The following DLG2 variants were observed in gnomAD, a reference collection of about 807,000 sequenced individuals.
DLG2 encodes the protein discs large MAGUK scaffold protein 2.
A neutral mutation model predicts 132.5 loss-of-function variants in DLG2; 45 were observed. The observed-to-expected ratio is 0.34, with a 90% CI of 0.27 to 0.44. DLG2 has a LOEUF of 0.44. Ranked by LOEUF, DLG2 falls within the 20% of genes least tolerant of loss-of-function variation. The probability of loss-of-function intolerance (pLI) is 1.00; values close to 1 mark genes in which losing one functional copy is unlikely to be tolerated. For synonymous variants in DLG2, 424 were observed against 419.6 expected (o/e 1.01, Z -0.13); for missense variants, 1,045 against 1,196.9 (o/e 0.87, Z 1.87).
intron 6 of DLG2, among the ~76,000 whole-genome samples, chr11:84,724,533 T>C (rs1480807609): frequency 1.3e-5 from 2 of 152,156 alleles, no homozygotes; most frequent in Non-Finnish European, 2.9e-5. Flanking sequence ...ATTTATACCA[T>C]GTAAACTAAC....
At chr11:84,095,792 T>G (rs2097157515) in intron 10 of DLG2, among the ~76,000 whole-genome samples, 1 of 152,202 alleles carries the variant, frequency 6.6e-6, no homozygotes. Context: ...GCAAAGGCTG[T>G]AATGTGGATT....
chr11:84,446,333 A>T (rs1418817390), intron 7 of DLG2, among the ~76,000 whole-genome samples: 1 of 151,948 alleles, frequency 6.6e-6, no homozygotes, highest in Non-Finnish European at 1.5e-5. Context: ...TTTATCTGAT[A>T]TTTTTATTCC....
chr11:84,049,758 C>A (rs183378422), intron 11 of DLG2, among the ~76,000 whole-genome samples: 272 of 151,708 alleles, frequency 1.8e-3, no homozygotes, highest in Admixed American at 3.2e-3. Context: ...GGTTACTTGG[C>A]CTGATAATAA....
chr11:85,013,380 G>A lies in DLG2; in HGVS notation c.357+98281C>T, dbSNP rs2059313531. Among the ~76,000 whole-genome samples the A allele has an allele frequency of 2.6e-5, 4 of 152,160 alleles. No homozygotes were observed. The South Asian group carries it at 8.3e-4, about 32-fold the overall frequency. On this transcript the variant is annotated intron_variant, in intron 6 of 27. Coordinates refer to ENST00000376104, the MANE Select transcript of DLG2 (RefSeq NM_001142699.3). ...TTCTGGTTGCTCTGAAGTAGCCATG[G>A]TGGAAGAATTGCATGGAGAAACCAC...
intron 7 of DLG2, among the ~76,000 whole-genome samples, chr11:84,502,643 C>G (rs1480232635): frequency 6.6e-6 from 1 of 151,780 alleles, no homozygotes; most frequent in African/African-American, 2.4e-5. Context: ...CATGATCCAC[C>G]TGCCTCAGCC....
intron 6 of DLG2, among the ~76,000 whole-genome samples, chr11:84,652,209 C>T (rs1270608948): frequency 6.6e-6 from 1 of 152,012 alleles, no homozygotes; most frequent in Non-Finnish European, 1.5e-5. Context: ...AACTTTGATG[C>T]AAAACTAAGT....
intron 3 of DLG2, among the ~76,000 whole-genome samples, chr11:85,395,393 T>C (rs933762666): frequency 4.6e-5 from 7 of 152,060 alleles, no homozygotes; most frequent in African/African-American, 7.2e-5. Context: ...GTTCATCTCA[T>C]TGGGACTGGT....
intron 7 of DLG2, among the ~76,000 whole-genome samples, chr11:84,489,339 G>A (rs2099158695): frequency 1.3e-5 from 2 of 152,000 alleles, no homozygotes; most frequent in Non-Finnish European, 2.9e-5. Context: ...TACACTAACT[G>A]CTTTTTGACC....
chr11:84,817,610 T>G (rs1265426410), intron 6 of DLG2, among the ~76,000 whole-genome samples: 4 of 152,032 alleles, frequency 2.6e-5, no homozygotes, highest in Non-Finnish European at 5.9e-5. Context: ...CTGCAGCTTA[T>G]GAGTCTGGGA....
chr11:84,582,359 C>T (rs1413401405), intron 6 of DLG2, among the ~76,000 whole-genome samples: 2 of 149,630 alleles, frequency 1.3e-5, no homozygotes, highest in East Asian at 3.9e-4. Context: ...AAAGTCCTAA[C>T]TACTACAGCA....
intron 4 of DLG2, among the ~76,000 whole-genome samples, chr11:85,261,519 G>T (rs948287895): frequency 6.6e-6 from 1 of 152,090 alleles, no homozygotes; most frequent in African/African-American, 2.4e-5. Flanking sequence ...TCTGTCAGCA[G>T]ACCCCGTGGG....
At chr11:84,052,429 A>C (rs1290925955) in intron 11 of DLG2, among the ~76,000 whole-genome samples, 5 of 152,044 alleles carry the variant, frequency 3.3e-5, no homozygotes, top group African/African-American at 7.2e-5. Flanking sequence ...GACCTCCCCC[A>C]AATTTTTTTA....
intron 18 of DLG2, among the ~76,000 whole-genome samples, chr11:83,775,987 G>A (rs2094567156): frequency 1.3e-5 from 2 of 152,176 alleles, no homozygotes; most frequent in Admixed American, 1.3e-4. Flanking sequence ...AGCTACTCGG[G>A]AGGCTGAGGC....
At chr11:85,357,075 G>T (rs1410796398) in intron 3 of DLG2, among the ~76,000 whole-genome samples, 1 of 152,016 alleles carries the variant, frequency 6.6e-6, no homozygotes, top group Non-Finnish European at 1.5e-5. Flanking sequence ...CCAAGTAGGT[G>T]CTCAATAAAT....
chr11:83,503,410 T>TAG lies in DLG2; in HGVS notation c.2194-19183_2194-19182insCT, dbSNP rs1378034901. Among the ~76,000 whole-genome samples, 106 of 98,128 alleles carry TAG rather than the reference T, an allele frequency of 1.1e-3. 4 individuals carry two copies. The highest frequency in any genetic ancestry group is 1.3e-3 in the African/African-American group (32 of 23,772). The allele number at this position is 98,128 out of a possible 152,430, so 64.4% of individuals were successfully genotyped here. A position where few individuals can be genotyped will look rare whatever the true frequency, so the allele number is the denominator to read the frequency against. On this transcript the variant is annotated intron_variant, in intron 21 of 27. Transcript: ENST00000376104. ...ATATATATATATATATATATATATATATATATATATATAGATAGATCTAAT... is the reference window on the plus strand; with the variant it reads ...ATATATATATATATATATATATATATAGATATATATATATAGATAGATCTAAT...
At chr11:83,960,607 C>A (rs1483137546) in intron 14 of DLG2, among the ~76,000 whole-genome samples, 5 of 151,176 alleles carry the variant, frequency 3.3e-5, no homozygotes, top group Non-Finnish European at 5.9e-5. Context: ...AATTAGGGAA[C>A]AGGCATTGGG....
At chr11:83,546,163 C>G (rs577316629) in intron 19 of DLG2, among the ~76,000 whole-genome samples, 2 of 152,110 alleles carry the variant, frequency 1.3e-5, no homozygotes, top group Admixed American at 1.3e-4. Flanking sequence ...AGCAGCTGCT[C>G]ATCCTCATGA....
intron 8 of DLG2, among the ~76,000 whole-genome samples, chr11:84,231,217 T>C (rs1437706067): frequency 6.6e-6 from 1 of 152,150 alleles, no homozygotes; most frequent in East Asian, 1.9e-4. Context: ...ATTTGAACCA[T>C]TAGGTAACCT....
At chr11:85,033,490 T>C (rs894481856) in intron 6 of DLG2, among the ~76,000 whole-genome samples, 2 of 152,098 alleles carry the variant, frequency 1.3e-5, no homozygotes, top group African/African-American at 4.8e-5. Context: ...AGATTTTATA[T>C]GGTTCAAGCA....
Sources: gnomAD v4.1 joint callset for allele counts (sites outside exome capture counted in the v4.1 genomes callset) on GRCh38, gnomAD v4.1.1 for gene constraint, MANE v1.5 for transcripts, NCBI Gene and HGNC (gene_info 2026-07-23, HGNC 2026-07-21) for gene names.